The following IL12RB2 variants were observed in gnomAD, a reference collection of about 807,000 sequenced individuals.
The protein encoded by IL12RB2 is interleukin-12 receptor subunit beta-2.
Under a neutral mutation model 89.4 loss-of-function variants are expected in IL12RB2, and 82 were observed. The observed-to-expected ratio is 0.92, with a 90% CI of 0.77 to 1.10. The LOEUF (loss-of-function observed/expected upper bound fraction) is 1.10, where lower values mean the gene tolerates loss of function less well. Among genes scored for constraint, IL12RB2 ranks in the 50% least tolerant of loss-of-function variants. IL12RB2 has a pLI of 0.00. For missense variants in IL12RB2, 963 were observed against 1,031.9 expected (o/e 0.93, Z 0.92); for synonymous variants, 368 against 370.1 (o/e 0.99, Z 0.07).
intron 10 of IL12RB2, among the ~76,000 whole-genome samples, chr1:67,351,614 C>T (rs1660856357): frequency 1.3e-5 from 2 of 152,170 alleles, no homozygotes; most frequent in South Asian, 4.1e-4. Flanking sequence ...CTGGGCCTCA[C>T]AGTGAGACCC....
At position 67,326,851 on chromosome 1, in the gene IL12RB2, T is replaced by G. The variant is rs749453609; in HGVS notation, c.479+2T>G. On this transcript the variant is annotated splice_donor_variant, in intron 5 of 16. Transcript: ENST00000674203. LOFTEE classifies it high-confidence loss of function. ...CTTATACACTGAGTATACTCTACAG[T>G]GAGTGAGAGGCTGTATTTTTGCAGC... The G allele has an allele frequency of 6.7e-7, 1 of 1,494,782 alleles. No individual in the cohort carries two copies. 92.6% of individuals were successfully genotyped at this position (1,494,782 alleles called of 1,614,324 possible). A position where few individuals can be genotyped will look rare whatever the true frequency, so the allele number is the denominator to read the frequency against.
intron 9 of IL12RB2, among the ~76,000 whole-genome samples, chr1:67,342,328 C>A (rs558465933): frequency 1.3e-5 from 2 of 152,232 alleles, no homozygotes; most frequent in African/African-American, 4.8e-5. Flanking sequence ...AAAGGAAGCA[C>A]CAAGTAAAAC....
chr1:67,397,619 C>T lies in IL12RB2; in HGVS notation c.*1530C>T, dbSNP rs1449862091. Among the ~76,000 whole-genome samples, 1 of 152,242 alleles carries T rather than the reference C, an allele frequency of 6.6e-6. No individual in the cohort carries two copies. The highest frequency in any genetic ancestry group is 2.4e-5 in the African/African-American group (1 of 41,458). ...CCCTGGCTTGCCACCCTCCCTAGCC[C>T]ATTGCTGCCTCTGTCTCTTCACCAT... On this transcript the variant is annotated 3_prime_UTR_variant, in exon 17 of 17. Coordinates refer to ENST00000674203, the MANE Select transcript of IL12RB2 (RefSeq NM_001374259.2).
intron 5 of IL12RB2, among the ~76,000 whole-genome samples, chr1:67,327,240 T>C (rs1657456254): frequency 6.6e-6 from 1 of 152,148 alleles, no homozygotes; most frequent in Admixed American, 6.5e-5. Flanking sequence ...ATTACAGGTG[T>C]GAGCCACGGT....
chr1:67,317,937 G>A (rs1203232264), intron 2 of IL12RB2, among the ~76,000 whole-genome samples: 5 of 152,190 alleles, frequency 3.3e-5, no homozygotes, highest in Non-Finnish European at 7.3e-5. Flanking sequence ...CATGAAGACA[G>A]TAATAAGGTG....
At chr1:67,375,347 A>T (rs549304796) in intron 13 of IL12RB2, among the ~76,000 whole-genome samples, 2 of 152,152 alleles carry the variant, frequency 1.3e-5, no homozygotes, top group African/African-American at 2.4e-5. Flanking sequence ...GTAAGCTGAA[A>T]TCGCACCACT....
Position 67,367,736 on chromosome 1 carries a change from T to C in IL12RB2, c.1259-89T>C, listed in dbSNP as rs189865604. 7.1e-5 allele frequency: 57 copies of C among 805,752 alleles called. No homozygotes were observed. In the East Asian group the frequency reaches 1.3e-3, roughly 19 times the overall value. 49.9% of individuals were successfully genotyped at this position (805,752 alleles called of 1,614,324 possible). On this transcript the variant is annotated intron_variant, in intron 10 of 16. Transcript: ENST00000674203. ...ACAGATTCTTCCTAAAACTTTTTCG[T>C]TGGGATAAGCTGTTTGGCTTTTTTT...
At chr1:67,386,875 TA>T (rs1665229400) in intron 15 of IL12RB2, among the ~76,000 whole-genome samples, 59 of 19,984 alleles carry the variant, frequency 3.0e-3, no homozygotes, top group South Asian at 4.3e-3. Context: ...ATGTATTTTA[TA>T]TATATATATA....
chr1:67,342,224 TTTTG>T (rs955504598), intron 9 of IL12RB2, among the ~76,000 whole-genome samples: 5 of 151,992 alleles, frequency 3.3e-5, no homozygotes, highest in Non-Finnish European at 7.4e-5. Context: ...TTTTGTTTTT[TTTTG>T]TTTTTGTTTT....
chr1:67,389,159 T>A (rs1023211966), intron 15 of IL12RB2, among the ~76,000 whole-genome samples: 1 of 152,152 alleles, frequency 6.6e-6, no homozygotes, highest in African/African-American at 2.4e-5. Context: ...TGCTCCATAG[T>A]TATTTGTGGA....
intron 13 of IL12RB2, among the ~76,000 whole-genome samples, chr1:67,376,996 G>A (rs1180822627): frequency 6.6e-6 from 1 of 152,222 alleles, no homozygotes; most frequent in African/African-American, 2.4e-5. Flanking sequence ...GAGTAGACTT[G>A]AGAATTTTCC....
chr1:67,390,153 A>T (rs1378501010), intron 16 of IL12RB2, 25 bp downstream of exon 16: 3 of 907,282 alleles, frequency 3.3e-6, no homozygotes, highest in Non-Finnish European at 5.6e-6. Context: ...CTCTGTGGTC[A>T]GTCAGTGGAG....
chr1:67,346,849 T>G (rs549810448), intron 9 of IL12RB2, among the ~76,000 whole-genome samples: 2 of 151,910 alleles, frequency 1.3e-5, no homozygotes, highest in South Asian at 4.2e-4. Flanking sequence ...AAGCCAAGAG[T>G]CAAGATGACC....
At chr1:67,386,436 T>A (rs1336244475) in intron 14 of IL12RB2, 143 bp from the exon 15 acceptor site, 1 of 725,928 alleles carries the variant, frequency 1.4e-6, no homozygotes, top group African/African-American at 1.7e-5. Flanking sequence ...CCGCACTGCA[T>A]AGACAAAAGT....
chr1:67,339,039 G>A (rs1569889190), intron 9 of IL12RB2, among the ~76,000 whole-genome samples: 1 of 148,610 alleles, frequency 6.7e-6, no homozygotes, highest in South Asian at 2.1e-4. Context: ...AATATGCCCA[G>A]CAGTAACCAT....
chr1:67,382,464 G>A lies in IL12RB2; in HGVS notation c.1855+2341G>A, dbSNP rs561416816. On this transcript the variant is annotated intron_variant, in intron 14 of 16. Transcript: ENST00000674203. ...GTAACTCATCAGTGGTTCCCCAGGGGCCTTCAAGCTAGAACTCAAAACTCC... is the reference window on the plus strand; with the variant it reads ...GTAACTCATCAGTGGTTCCCCAGGGACCTTCAAGCTAGAACTCAAAACTCC... Among the ~76,000 whole-genome samples, 42 of 106,524 alleles carry A rather than the reference G, an allele frequency of 3.9e-4. No homozygotes were observed. The South Asian group carries it at 0.014, about 35-fold the overall frequency. 69.9% of individuals were successfully genotyped at this position (106,524 alleles called of 152,430 possible).
At chr1:67,362,599 G>GA (rs917711505) in intron 10 of IL12RB2, among the ~76,000 whole-genome samples, 6 of 139,976 alleles carry the variant, frequency 4.3e-5, no homozygotes, top group Admixed American at 1.4e-4. Context: ...AAAAGAAAAA[G>GA]AAAAAAAAAG....
chr1:67,312,700 G>A (rs1569676611), intron 1 of IL12RB2, among the ~76,000 whole-genome samples: 2 of 142,320 alleles, frequency 1.4e-5, no homozygotes, highest in African/African-American at 2.6e-5. Context: ...AAGAGGGAAA[G>A]GAGAAAACAC....
chr1:67,319,438 T>C (rs770092098), intron 2 of IL12RB2, among the ~76,000 whole-genome samples: 19 of 152,192 alleles, frequency 1.2e-4, no homozygotes, highest in Non-Finnish European at 2.6e-4. Flanking sequence ...CAAGCTTCTC[T>C]ACAAAACCCA....
Sources: allele counts gnomAD v4.1 joint callset (sites outside exome capture counted in the v4.1 genomes callset), GRCh38; gene constraint gnomAD v4.1.1; transcripts MANE v1.5; gene names NCBI Gene and HGNC (gene_info 2026-07-23, HGNC 2026-07-21).